Variants in SPICE1 observed in about 807,000 individuals in gnomAD.
SPICE1 encodes the protein spindle and centriole associated protein 1.
A neutral mutation model predicts 102.7 loss-of-function variants in SPICE1; 75 were observed. The observed-to-expected ratio is 0.73, with a 90% confidence interval of 0.61 to 0.88. SPICE1 has a LOEUF of 0.88. Ranked by LOEUF, SPICE1 falls within the 40% of genes least tolerant of loss-of-function variation. The pLI is 0.00. For synonymous variants in SPICE1, 308 were observed against 350.3 expected (o/e 0.88, Z 1.35); for missense variants, 979 against 1,020.1 (o/e 0.96, Z 0.55).
intron 12 of SPICE1, among the ~76,000 whole-genome samples, chr3:113,458,172 GTCTCCCTCTCCC>G: frequency 9.6e-3 from 1 of 104 alleles, no homozygotes; most frequent in East Asian, 0.12. Flanking sequence ...TCCCTCTCCC[GTCTCCCTCTCCC>G]GTCTCCCTCT....
At chr3:113,499,934 T>C (rs1338433527) in intron 3 of SPICE1, among the ~76,000 whole-genome samples, 1 of 152,164 alleles carries the variant, frequency 6.6e-6, no homozygotes, top group Admixed American at 6.5e-5. Context: ...ACCAGCATTT[T>C]TTTTTAACAT....
chr3:113,462,909 C>T (rs148398844), intron 11 of SPICE1, among the ~76,000 whole-genome samples: 12 of 152,226 alleles, frequency 7.9e-5, no homozygotes, highest in Middle Eastern at 3.4e-3. Flanking sequence ...TCATGCAAGG[C>T]GCTATGTAAT....
At chr3:113,454,237 G>A (rs1021815992) in intron 13 of SPICE1, among the ~76,000 whole-genome samples, 2 of 152,104 alleles carry the variant, frequency 1.3e-5, no homozygotes, top group African/African-American at 2.4e-5. Context: ...TGGGAATCTT[G>A]GGGAATGAGG....
chr3:113,479,867 A>T (rs1029943341), intron 7 of SPICE1, among the ~76,000 whole-genome samples: 6 of 152,200 alleles, frequency 3.9e-5, no homozygotes, highest in African/African-American at 1.4e-4. Flanking sequence ...AAACAAAAAA[A>T]TGCACAACGA....
intron 10 of SPICE1, among the ~76,000 whole-genome samples, chr3:113,467,437 G>A (rs191415710): frequency 1.6e-4 from 24 of 152,200 alleles, no homozygotes; most frequent in Admixed American, 9.8e-4. Context: ...GATTACAGGC[G>A]CCCGCCACCA....
intron 1 of SPICE1, among the ~76,000 whole-genome samples, chr3:113,513,472 T>C (rs550452980): frequency 6.6e-6 from 1 of 150,394 alleles, no homozygotes; most frequent in Non-Finnish European, 1.5e-5. Context: ...CTACCTACTA[T>C]ATACATCTCC....
chr3:113,478,806 C>T (rs1007697966), intron 7 of SPICE1, among the ~76,000 whole-genome samples: 2 of 151,994 alleles, frequency 1.3e-5, no homozygotes, highest in Admixed American at 6.6e-5. Context: ...TCTTCTCAGG[C>T]ACACACATGG....
At chr3:113,458,939 C>T (rs1283821674) in intron 12 of SPICE1, among the ~76,000 whole-genome samples, 8 of 151,316 alleles carry the variant, frequency 5.3e-5, no homozygotes, top group East Asian at 1.9e-4. Flanking sequence ...TCATTGAGAA[C>T]GGGCCATGAT....
At chr3:113,474,495 G>T (rs545883576) in intron 7 of SPICE1, among the ~76,000 whole-genome samples, 2 of 152,154 alleles carry the variant, frequency 1.3e-5, no homozygotes, top group Admixed American at 1.3e-4. Context: ...ATTTTTTTCA[G>T]CACCACATGA....
At chr3:113,454,310 A>C (rs1244817696) in intron 13 of SPICE1, among the ~76,000 whole-genome samples, 1 of 152,186 alleles carries the variant, frequency 6.6e-6, no homozygotes, top group Non-Finnish European at 1.5e-5. Context: ...TGAGGAAGTA[A>C]AATTTTTAAA....
Position 113,469,230 on chromosome 3 carries a change from T to C in SPICE1, c.620A>G (p.Gln207Arg). ...CTCAAAATTCTCTTCTGTTAGTTGTTGGAGAAACCTATAAATTACAGGACA... is the reference window on the plus strand; with the variant it reads ...CTCAAAATTCTCTTCTGTTAGTTGTCGGAGAAACCTATAAATTACAGGACA... ...QSNTNTDRFLQQLTEENFELI... is the reference protein window; with the variant it reads ...QSNTNTDRFLRQLTEENFELI... Residue 207 changes from glutamine to arginine, a missense_variant, in exon 8 of 18, where the codon CAA becomes CGA. Coordinates refer to ENST00000295872, the MANE Select transcript of SPICE1 (RefSeq NM_144718.4). 1 of 1,562,600 alleles carries C rather than the reference T, an allele frequency of 6.4e-7. No homozygotes were observed. Among genetic ancestry groups the C allele is most frequent in the Middle Eastern group, 1.7e-4 (1 of 5,892 alleles).
At chr3:113,457,061 T>A in intron 13 of SPICE1, 75 bp downstream of exon 13, 1 of 1,404,754 alleles carries the variant, frequency 7.1e-7, no homozygotes, top group Non-Finnish European at 9.8e-7. Context: ...GTTTTTCATG[T>A]AATGGTGAAA....
At chr3:113,471,106 T>C (rs1405649500) in intron 7 of SPICE1, among the ~76,000 whole-genome samples, 1 of 152,048 alleles carries the variant, frequency 6.6e-6, no homozygotes, top group Non-Finnish European at 1.5e-5. Context: ...TTGGGATGGA[T>C]CTTTGGGGCC....
intron 11 of SPICE1, among the ~76,000 whole-genome samples, 162 bp from the exon 12 acceptor site, chr3:113,460,926 G>A (rs1935918948): frequency 6.6e-6 from 1 of 151,918 alleles, no homozygotes. Context: ...TCAGGAATTT[G>A]AGACTTCAAA....
chr3:113,458,785 G>A lies in SPICE1; in HGVS notation c.1436-1428C>T, dbSNP rs182153662. Among the ~76,000 whole-genome samples, 710 of 150,132 alleles carry A rather than the reference G, an allele frequency of 4.7e-3. 7 individuals carry two copies. The highest frequency in any genetic ancestry group is 0.017 in the African/African-American group (688 of 40,538). On this transcript the variant is annotated intron_variant, in intron 12 of 17. Transcript: ENST00000295872. ...AAGTGAGGAGCATCTCTGCCTGGCCGCCCATCGTCTGGGATGTGGGGAGCG... is the reference window on the plus strand; with the variant it reads ...AAGTGAGGAGCATCTCTGCCTGGCCACCCATCGTCTGGGATGTGGGGAGCG...
At chr3:113,468,659 C>A (rs1261210748) in intron 9 of SPICE1, 103 bp downstream of exon 9, 1 of 1,338,650 alleles carries the variant, frequency 7.5e-7, no homozygotes, top group Non-Finnish European at 1.0e-6. Context: ...TCAGTTGGAA[C>A]CATGTGGATG....
chr3:113,462,520 T>C (rs1935957778), intron 11 of SPICE1, among the ~76,000 whole-genome samples: 1 of 152,206 alleles, frequency 6.6e-6, no homozygotes, highest in Non-Finnish European at 1.5e-5. Flanking sequence ...GGAAAATCAG[T>C]GTGGAACAGG....
chr3:113,505,782 T>A (rs1457271273), intron 2 of SPICE1, among the ~76,000 whole-genome samples: 1 of 147,196 alleles, frequency 6.8e-6, no homozygotes, highest in Non-Finnish European at 1.5e-5. Flanking sequence ...GGTGCATGCC[T>A]CTGGTCCTAG....
intron 11 of SPICE1, among the ~76,000 whole-genome samples, chr3:113,461,364 T>C (rs1184960211): frequency 6.6e-6 from 1 of 151,776 alleles, no homozygotes; most frequent in East Asian, 1.9e-4. Context: ...AGGTTTTTTT[T>C]TTTCTATATT....
Sources: allele counts gnomAD v4.1 joint callset (sites outside exome capture counted in the v4.1 genomes callset), GRCh38; gene constraint gnomAD v4.1.1; transcripts MANE v1.5; gene names NCBI Gene and HGNC (gene_info 2026-07-23, HGNC 2026-07-21).